The following CCDC201 variants were observed in gnomAD, a reference collection of about 807,000 sequenced individuals.
The protein encoded by CCDC201 is coiled-coil domain containing 201, also known as coiled-coil domain-containing protein 201.
chr7:45,864,156 G>C (rs1397223400), intron 2 of CCDC201, among the ~76,000 whole-genome samples: 1 of 152,210 alleles, frequency 6.6e-6, no homozygotes, highest in African/African-American at 2.4e-5. Context: ...TCAGAGGGCT[G>C]TGTGGCGCAG....
intron 2 of CCDC201, among the ~76,000 whole-genome samples, chr7:45,864,886 C>T (rs1786651779): frequency 6.6e-6 from 1 of 152,130 alleles, no homozygotes; most frequent in Non-Finnish European, 1.5e-5. Context: ...GGAGAAAGAA[C>T]ACAGAGCCCA....
the CCDC201 span, among the ~76,000 whole-genome samples, chr7:45,881,751 G>C: frequency 2.0e-5 from 3 of 152,122 alleles, no homozygotes; most frequent in Non-Finnish European, 1.5e-5. Flanking sequence ...GGATGGCCTC[G>C]CTTCCATCGC....
At chr7:45,880,643 C>T in the CCDC201 span, among the ~76,000 whole-genome samples, 2 of 152,264 alleles carry the variant, frequency 1.3e-5, no homozygotes, top group Non-Finnish European at 2.9e-5. Flanking sequence ...GGGAATGAGA[C>T]TCCCACTCTT....
intron 2 of CCDC201, among the ~76,000 whole-genome samples, chr7:45,864,153 G>A (rs1400026082): frequency 2.6e-5 from 4 of 152,184 alleles, no homozygotes; most frequent in African/African-American, 9.6e-5. Context: ...CTCTCAGAGG[G>A]CTGTGTGGCG....
At chr7:45,863,924 C>A (rs571655755) in intron 2 of CCDC201, among the ~76,000 whole-genome samples, 1 of 152,164 alleles carries the variant, frequency 6.6e-6, no homozygotes, top group Non-Finnish European at 1.5e-5. Flanking sequence ...CACCGGGAGG[C>A]GTCCTGGAGC....
At chr7:45,863,747 C>T (rs569807372) in intron 2 of CCDC201, among the ~76,000 whole-genome samples, 77 of 152,124 alleles carry the variant, frequency 5.1e-4, no homozygotes, top group Non-Finnish European at 9.0e-4. Context: ...AGCTGGGGTC[C>T]GCTGGCCAAC....
chr7:45,879,612 G>A, the CCDC201 span, among the ~76,000 whole-genome samples: 1 of 152,174 alleles, frequency 6.6e-6, no homozygotes, highest in East Asian at 1.9e-4. Flanking sequence ...GGGGGATGGT[G>A]TTAAACAATT....
At chr7:45,874,520 G>A (rs998128411), upstream of CCDC201, among the ~76,000 whole-genome samples, 22 of 152,326 alleles carry the variant, frequency 1.4e-4, no homozygotes, top group African/African-American at 5.3e-4. Flanking sequence ...CGGCTGCAGA[G>A]CTAAGCGGCT....
exon 3 of CCDC201, chr7:45,862,570 C>T (rs1786617195): frequency 6.6e-6 from 1 of 152,244 alleles, no homozygotes; most frequent in Non-Finnish European, 1.5e-5. Flanking sequence ...GGGTTGGAAA[C>T]CCACCATCCA....
At chr7:45,880,661 C>T in the CCDC201 span, among the ~76,000 whole-genome samples, 4 of 152,272 alleles carry the variant, frequency 2.6e-5, no homozygotes, top group East Asian at 1.9e-4. Context: ...CTTTTTACCT[C>T]AGGGTCATTG....
chr7:45,874,732 G>T (rs1786779659), upstream of CCDC201, among the ~76,000 whole-genome samples: 1 of 152,246 alleles, frequency 6.6e-6, no homozygotes, highest in Admixed American at 6.5e-5. Context: ...TTGGCGCAGA[G>T]CAACACAGCC....
intron 2 of CCDC201, among the ~76,000 whole-genome samples, chr7:45,864,504 G>A (rs897201260): frequency 6.6e-6 from 1 of 152,170 alleles, no homozygotes; most frequent in African/African-American, 2.4e-5. Flanking sequence ...TAACCCCCGG[G>A]TGACCCTTGG....
At chr7:45,870,874 T>C (rs1295250533) in intron 1 of CCDC201, among the ~76,000 whole-genome samples, 1 of 152,200 alleles carries the variant, frequency 6.6e-6, no homozygotes, top group Non-Finnish European at 1.5e-5. Context: ...CTGGAAAGAC[T>C]TTAAATTCTT....
the CCDC201 span, among the ~76,000 whole-genome samples, chr7:45,879,845 G>A: frequency 2.0e-5 from 3 of 152,196 alleles, no homozygotes; most frequent in Admixed American, 2.0e-4. Context: ...CAACATTTTG[G>A]GAGGCTGAGG....
chr7:45,860,718 GC>G (rs1461666406), exon 3 of CCDC201: 4 of 152,176 alleles, frequency 2.6e-5, no homozygotes, highest in Non-Finnish European at 4.4e-5. Context: ...AATTTGGAAA[GC>G]TTTGTAGCAG....
chr7:45,876,544 C>A (rs879595236), upstream of CCDC201, among the ~76,000 whole-genome samples: 1 of 152,192 alleles, frequency 6.6e-6, no homozygotes, highest in South Asian at 2.1e-4. Context: ...CCTCCTCACT[C>A]TAGGGTTGCC....
At chr7:45,880,879 G>T in the CCDC201 span, among the ~76,000 whole-genome samples, 1 of 152,184 alleles carries the variant, frequency 6.6e-6, no homozygotes, top group African/African-American at 2.4e-5. Flanking sequence ...TTATGGGCTG[G>T]GTGAGTGGCA....
At chr7:45,861,824 T>C (rs1026800458) in exon 3 of CCDC201, 6 of 152,258 alleles carry the variant, frequency 3.9e-5, no homozygotes, top group Admixed American at 3.9e-4. Context: ...AGTGTAGGAC[T>C]AGGCTGGAAA....
chr7:45,873,759 C>A (rs999161622), upstream of CCDC201, among the ~76,000 whole-genome samples: 2 of 152,174 alleles, frequency 1.3e-5, no homozygotes, highest in African/African-American at 4.8e-5. Context: ...TCTAACCATG[C>A]CTTAACTTTT....
Sources: gnomAD v4.1 joint callset for allele counts (sites outside exome capture counted in the v4.1 genomes callset) on GRCh38, gnomAD v4.1.1 for gene constraint, MANE v1.5 for transcripts, NCBI Gene and HGNC (gene_info 2026-07-23, HGNC 2026-07-21) for gene names.